Variants in ACSS3 observed in about 807,000 individuals in gnomAD.
ACSS3 encodes the protein acyl-CoA synthetase short chain family member 3.
A neutral mutation model predicts 84.2 loss-of-function variants in ACSS3; 64 were observed. The observed-to-expected ratio is 0.76, with a 90% confidence interval of 0.62 to 0.94. ACSS3 has a LOEUF of 0.94. ACSS3 is among the 40% of genes least tolerant of loss of function. ACSS3 has a pLI of 0.00. For missense variants in ACSS3, 815 were observed against 867.6 expected (o/e 0.94, Z 0.76); for synonymous variants, 317 against 310.1 (o/e 1.02, Z -0.23).
chr12:81,259,795 G>C lies in ACSS3; in HGVS notation c.*4873G>C, dbSNP rs1488863319. 4.6e-6 allele frequency: 3 copies of C among 657,512 alleles called. No homozygotes were observed. The highest frequency in any genetic ancestry group is 4.9e-6 in the Non-Finnish European group (2 of 406,324). The allele number at this position is 657,512 out of a possible 1,614,324, so 40.7% of individuals were successfully genotyped here. A position where few individuals can be genotyped will look rare whatever the true frequency, so the allele number is the denominator to read the frequency against. ...AAGATCATGAGAAGGAAATCATCTAGGATGTAGCCAACAGCCGTATGTAAT... is the reference window on the plus strand; with the variant it reads ...AAGATCATGAGAAGGAAATCATCTACGATGTAGCCAACAGCCGTATGTAAT... On this transcript the variant is annotated 3_prime_UTR_variant, in exon 16 of 16. Transcript: ENST00000548058.
At chr12:81,107,511 C>CACACACACATATAT (rs1403415163) in intron 1 of ACSS3, among the ~76,000 whole-genome samples, 2 of 38,828 alleles carry the variant, frequency 5.2e-5, no homozygotes, top group African/African-American at 8.5e-5. Flanking sequence ...CAAATATATA[C>CACACACACATATAT]ATATATATAT....
intron 8 of ACSS3, among the ~76,000 whole-genome samples, chr12:81,186,116 G>A (rs930723808): frequency 6.6e-6 from 1 of 151,684 alleles, no homozygotes; most frequent in East Asian, 1.9e-4. Flanking sequence ...GGGAAAAATA[G>A]TCACTTTAAT....
At chr12:81,227,540 AACTG>A (rs1179964645) in intron 11 of ACSS3, among the ~76,000 whole-genome samples, 1 of 151,864 alleles carries the variant, frequency 6.6e-6, no homozygotes, top group African/African-American at 2.4e-5. Flanking sequence ...TTTGCTGATT[AACTG>A]ACTGAATAGA....
intron 13 of ACSS3, among the ~76,000 whole-genome samples, chr12:81,244,834 T>C (rs1440286890): frequency 6.6e-6 from 1 of 152,156 alleles, no homozygotes; most frequent in Non-Finnish European, 1.5e-5. Flanking sequence ...TTAAAAAATA[T>C]CATGTTCAGA....
intron 9 of ACSS3, among the ~76,000 whole-genome samples, chr12:81,205,452 C>T (rs919422831): frequency 3.3e-5 from 5 of 151,948 alleles, no homozygotes; most frequent in African/African-American, 1.2e-4. Context: ...TTTAAGACAG[C>T]AATACATTCT....
At chr12:81,110,794 C>T (rs779301734) in intron 2 of ACSS3, among the ~76,000 whole-genome samples, 1 of 152,142 alleles carries the variant, frequency 6.6e-6, no homozygotes, top group African/African-American at 2.4e-5. Context: ...TGAAGTTGAG[C>T]AGAGTCTGTC....
At chr12:81,194,121 C>T (rs892116293) in intron 8 of ACSS3, among the ~76,000 whole-genome samples, 3 of 151,044 alleles carry the variant, frequency 2.0e-5, no homozygotes, top group African/African-American at 7.3e-5. Context: ...TAGGAAGATA[C>T]CTGATGCCTA....
At chr12:81,176,466 T>C (rs1017189264) in intron 8 of ACSS3, among the ~76,000 whole-genome samples, 14 of 151,898 alleles carry the variant, frequency 9.2e-5, no homozygotes, top group Non-Finnish European at 1.8e-4. Flanking sequence ...CCCACCTACT[T>C]GGGAGGCTGA....
intron 5 of ACSS3, among the ~76,000 whole-genome samples, chr12:81,145,357 T>A (rs1886291987): frequency 6.6e-6 from 1 of 152,144 alleles, no homozygotes; most frequent in South Asian, 2.1e-4. Flanking sequence ...GGGCTTGAAT[T>A]GTGTGGAGAT....
chr12:81,250,291 C>A (rs2034110599), intron 13 of ACSS3, among the ~76,000 whole-genome samples: 1 of 152,058 alleles, frequency 6.6e-6, no homozygotes, highest in Non-Finnish European at 1.5e-5. Context: ...AAAGCTACCA[C>A]CCTTCCTTTA....
At chr12:81,172,774 C>T (rs1406188605) in intron 7 of ACSS3, among the ~76,000 whole-genome samples, 1 of 152,176 alleles carries the variant, frequency 6.6e-6, no homozygotes, top group Non-Finnish European at 1.5e-5. Flanking sequence ...CTGTAAAATA[C>T]TGTGTCCTCC....
At position 81,257,919 on chromosome 12, in the gene ACSS3, T is replaced by A. The variant is rs1018302213; in HGVS notation, c.*2997T>A. On this transcript the variant is annotated 3_prime_UTR_variant, in exon 16 of 16. Coordinates refer to ENST00000548058, the MANE Select transcript of ACSS3 (RefSeq NM_024560.4). ...TAGATGATTAATCTTTCTAACTTGA[T>A]CTTTAAAAGAAAGAAATTGATTTTA... 6.6e-6 allele frequency: 1 copy of A among 152,168 alleles called. No homozygotes were observed. The highest frequency in any genetic ancestry group is 1.5e-5 in the Non-Finnish European group (1 of 68,008). 9.4% of individuals were successfully genotyped at this position (152,168 alleles called of 1,614,324 possible). A position where few individuals can be genotyped will look rare whatever the true frequency, so the allele number is the denominator to read the frequency against.
chr12:81,186,304 G>A (rs1223376316), intron 8 of ACSS3, among the ~76,000 whole-genome samples: 1 of 151,588 alleles, frequency 6.6e-6, no homozygotes, highest in Non-Finnish European at 1.5e-5. Flanking sequence ...ACTTGGCAAT[G>A]GTTTTCTGTA....
chr12:81,143,076 C>T (rs371028125), intron 4 of ACSS3, 31 bp from the exon 5 acceptor site: 56 of 1,589,112 alleles, frequency 3.5e-5, no homozygotes, highest in Non-Finnish European at 4.6e-5. Flanking sequence ...CTCCTTATTA[C>T]AGTACATATT....
rs1887465878 is a variant in ACSS3, at chr12:81,167,659, C to T, written c.1099-7129C>T. On this transcript the variant is annotated intron_variant, in intron 7 of 15. Transcript: ENST00000548058. ...ACCCTTTGTTTTAGCACCATTTGTC[C>T]ATTCATGAAAGCAGAGCCCTCCTAA... Among the ~76,000 whole-genome samples the T allele has an allele frequency of 4.6e-5, 7 of 152,266 alleles. No individual in the cohort carries two copies. In the South Asian group the frequency reaches 1.4e-3, roughly 32 times the overall value.
chr12:81,081,234 G>A (rs998433267), intron 1 of ACSS3, among the ~76,000 whole-genome samples: 1 of 152,166 alleles, frequency 6.6e-6, no homozygotes, highest in Non-Finnish European at 1.5e-5. Flanking sequence ...CAGTAATATA[G>A]ACATGGAGAA....
intron 8 of ACSS3, among the ~76,000 whole-genome samples, chr12:81,185,543 TA>T (rs1201772572): frequency 1.3e-5 from 2 of 151,478 alleles, no homozygotes; most frequent in African/African-American, 2.4e-5. Context: ...TCTACACAAA[TA>T]ATGATCTAAC....
intron 1 of ACSS3, among the ~76,000 whole-genome samples, chr12:81,091,674 A>G (rs1193573635): frequency 6.6e-6 from 1 of 152,068 alleles, no homozygotes; most frequent in Non-Finnish European, 1.5e-5. Flanking sequence ...GAGGGTTTTA[A>G]AAAATTAAAT....
chr12:81,234,245 T>C (rs143611993), intron 13 of ACSS3, among the ~76,000 whole-genome samples: 2,020 of 151,574 alleles, frequency 0.013, 28 homozygotes, highest in South Asian at 0.027. Context: ...TTTATGTTGC[T>C]GTATAGAATT....
Sources: gnomAD v4.1 joint callset for allele counts (sites outside exome capture counted in the v4.1 genomes callset) on GRCh38, gnomAD v4.1.1 for gene constraint, MANE v1.5 for transcripts, NCBI Gene and HGNC (gene_info 2026-07-23, HGNC 2026-07-21) for gene names.